Variants in WDR45B observed in about 807,000 individuals in gnomAD.
WDR45B encodes WD repeat domain 45B, also known as WD repeat domain phosphoinositide-interacting protein 3.
In WDR45B, 20 loss-of-function variants were observed where a neutral mutation model predicts 44.6. That is an observed-to-expected ratio of 0.45 (90% CI 0.32 to 0.65). The LOEUF is 0.65. Among genes scored for constraint, WDR45B ranks in the 30% least tolerant of loss-of-function variants. The pLI is 0.05. For synonymous variants in WDR45B, 169 were observed against 164.9 expected (o/e 1.02, Z -0.19); for missense variants, 323 against 430.2 (o/e 0.75, Z 2.20).
chr17:82,643,432 C>T (rs938674007), intron 2 of WDR45B, among the ~76,000 whole-genome samples: 2 of 150,284 alleles, frequency 1.3e-5, no homozygotes, highest in Non-Finnish European at 2.9e-5. Flanking sequence ...GATCCCGTCT[C>T]GGAAGAAGGA....
At chr17:82,648,198 G>T in intron 1 of WDR45B, 76 bp downstream of exon 1, 1 of 1,518,646 alleles carries the variant, frequency 6.6e-7, no homozygotes. Flanking sequence ...GGGCGCCCAG[G>T]AGAGGCCTGA....
chr17:82,636,725 C>T (rs979888632), intron 2 of WDR45B: 1 of 152,008 alleles, frequency 6.6e-6, no homozygotes, highest in Non-Finnish European at 1.5e-5. Context: ...TTCTCGAACT[C>T]GACTTTCTTG....
intron 7 of WDR45B, among the ~76,000 whole-genome samples, chr17:82,617,867 ACACCACAAGGCC>A (rs2045560485): frequency 6.6e-6 from 1 of 152,046 alleles, no homozygotes; most frequent in African/African-American, 2.4e-5. Flanking sequence ...TGTGCTATGC[ACACCACAAGGCC>A]CAGGACCTCA....
chr17:82,620,394 C>A (rs1183720584), intron 6 of WDR45B, among the ~76,000 whole-genome samples: 1 of 152,236 alleles, frequency 6.6e-6, no homozygotes, highest in African/African-American at 2.4e-5. Flanking sequence ...GATCACGCCA[C>A]TGCACTCCAG....
intron 1 of WDR45B, among the ~76,000 whole-genome samples, chr17:82,645,742 C>A (rs1341048779): frequency 2.6e-5 from 4 of 152,090 alleles, no homozygotes; most frequent in Non-Finnish European, 5.9e-5. Context: ...CTTATGGTAG[C>A]CAAAAACTGG....
intron 5 of WDR45B, 146 bp downstream of exon 5, chr17:82,625,243 T>A: frequency 1.3e-6 from 1 of 781,576 alleles, no homozygotes; most frequent in Non-Finnish European, 2.2e-6. Flanking sequence ...TCCTGGAAGG[T>A]CCATCTCCTC....
chr17:82,632,254 C>T lies in WDR45B; in HGVS notation c.143-1232G>A, dbSNP rs1378521770. Among the ~76,000 whole-genome samples, 5 of 151,792 alleles carry T rather than the reference C, an allele frequency of 3.3e-5. No homozygotes were observed. In the East Asian group the frequency reaches 7.7e-4, roughly 24 times the overall value. On this transcript the variant is annotated intron_variant, in intron 2 of 9. Transcript: ENST00000392325. ...ACAGCTCACTACAGCCTCAAACTCC[C>T]GGGCTCAAGGACTCCTCCTGCTTCA...
intron 2 of WDR45B, among the ~76,000 whole-genome samples, chr17:82,642,656 C>T (rs2045932287): frequency 6.6e-6 from 1 of 152,180 alleles, no homozygotes; most frequent in Non-Finnish European, 1.5e-5. Flanking sequence ...TGGGATCTGA[C>T]TCTATCTCTA....
At chr17:82,644,376 T>G (rs2045951923) in intron 1 of WDR45B, 1 of 360,198 alleles carries the variant, frequency 2.8e-6, no homozygotes, top group Non-Finnish European at 5.3e-6. Flanking sequence ...CCGCCCACTG[T>G]GGACACCAGG....
intron 5 of WDR45B, among the ~76,000 whole-genome samples, chr17:82,623,400 AAAAC>A (rs2045646131): frequency 6.7e-6 from 1 of 149,038 alleles, no homozygotes; most frequent in Admixed American, 6.7e-5. Flanking sequence ...AAAAAAAAAA[AAAAC>A]AAACAAAAAA....
At chr17:82,624,502 C>T (rs924335772) in intron 5 of WDR45B, among the ~76,000 whole-genome samples, 7 of 152,344 alleles carry the variant, frequency 4.6e-5, no homozygotes, top group Middle Eastern at 3.4e-3. Flanking sequence ...CCTCGTGATC[C>T]GCCCGCCTTG....
intron 5 of WDR45B, among the ~76,000 whole-genome samples, chr17:82,623,380 C>T (rs562195927): frequency 8.9e-6 from 1 of 112,554 alleles, no homozygotes; most frequent in African/African-American, 3.6e-5. Flanking sequence ...GAGCGAGACT[C>T]TATCTCCAAA....
chr17:82,620,395 T>C (rs1234026225), intron 6 of WDR45B, among the ~76,000 whole-genome samples: 1 of 152,230 alleles, frequency 6.6e-6, no homozygotes, highest in Non-Finnish European at 1.5e-5. Context: ...ATCACGCCAC[T>C]GCACTCCAGC....
intron 2 of WDR45B, among the ~76,000 whole-genome samples, chr17:82,642,338 G>A (rs957435371): frequency 2.6e-5 from 4 of 152,198 alleles, no homozygotes; most frequent in Non-Finnish European, 5.9e-5. Flanking sequence ...GAGGCTGCAC[G>A]CTCCTCCTGA....
intron 2 of WDR45B, among the ~76,000 whole-genome samples, chr17:82,631,276 C>CA (rs1439665778): frequency 9.2e-4 from 106 of 114,756 alleles, no homozygotes; most frequent in South Asian, 2.1e-3. Flanking sequence ...ATACAGGACT[C>CA]ATTTTTTTTT....
chr17:82,629,696 G>A (rs1032827355), intron 3 of WDR45B: 4 of 980,406 alleles, frequency 4.1e-6, no homozygotes, highest in South Asian at 4.7e-5. Flanking sequence ...TCTCTCTTCC[G>A]CACATTCACG....
chr17:82,621,525 T>C, intron 6 of WDR45B, 84 bp downstream of exon 6: 1 of 1,587,042 alleles, frequency 6.3e-7, no homozygotes, highest in East Asian at 2.2e-5. Flanking sequence ...CACTGCCTTT[T>C]GAGTCTTGAT....
intron 5 of WDR45B, among the ~76,000 whole-genome samples, chr17:82,622,762 A>G (rs2143273001): frequency 6.6e-6 from 1 of 151,812 alleles, no homozygotes; most frequent in South Asian, 2.1e-4. Flanking sequence ...TGCAAGACTT[A>G]TATTACCTAA....
intron 7 of WDR45B, among the ~76,000 whole-genome samples, chr17:82,617,777 G>A (rs1568000768): frequency 6.6e-6 from 1 of 152,336 alleles, no homozygotes; most frequent in South Asian, 2.1e-4. Context: ...CCTCAGGAAG[G>A]TGCAGGCTGC....
Sources: allele counts gnomAD v4.1 joint callset (sites outside exome capture counted in the v4.1 genomes callset), GRCh38; gene constraint gnomAD v4.1.1; transcripts MANE v1.5; gene names NCBI Gene and HGNC (gene_info 2026-07-23, HGNC 2026-07-21).